The following MYL4 variants were observed in gnomAD, a reference collection of about 807,000 sequenced individuals.
The protein encoded by MYL4 is atrial myosin light chain 1.
Under a neutral mutation model 21.6 loss-of-function variants are expected in MYL4, and 16 were observed. That is an observed-to-expected ratio of 0.74 (90% confidence interval 0.50 to 1.12). MYL4 has a LOEUF of 1.12. Among genes scored for constraint, MYL4 ranks in the 50% most tolerant of loss-of-function variants. The pLI, the probability that MYL4 is intolerant of heterozygous loss-of-function variation, is 0.00. For synonymous variants in MYL4, 82 were observed against 95.7 expected, an observed-to-expected ratio of 0.86 and a Z score of 0.83; for missense variants, 249 against 252.9, an observed-to-expected ratio of 0.98 and a Z score of 0.11.
Position 47,203,971 on chromosome 17 carries a change from A to G in MYL4, c.-35+3385A>G, listed in dbSNP as rs1373844322. ...GGCATGAGCCACCGTGTCTGTGGCC[A>G]AAACACTTCTTAGAGTATAGTTCAC... On this transcript the variant is annotated intron_variant and NMD_transcript_variant, in intron 1 of 6. Coordinates refer to the MYL4 transcript ENST00000571981. Among the ~76,000 whole-genome samples, 3 of 152,250 alleles carry G rather than the reference A, an allele frequency of 2.0e-5. No individual in the cohort carries two copies. In the East Asian group the frequency reaches 5.8e-4, roughly 29 times the overall value.
chr17:47,190,330 G>A, the MYL4 span, among the ~76,000 whole-genome samples: 4 of 152,122 alleles, frequency 2.6e-5, no homozygotes. Flanking sequence ...TTATAAATGT[G>A]GCCGTGTCTA....
At chr17:47,211,179 C>G (rs923498102) in intron 1 of MYL4, among the ~76,000 whole-genome samples, 2 of 152,100 alleles carry the variant, frequency 1.3e-5, no homozygotes, top group Non-Finnish European at 2.9e-5. Flanking sequence ...AAATAGGTAT[C>G]TTTTATGAGA....
intron 5 of MYL4, 144 bp from the exon 6 acceptor site, chr17:47,222,870 A>C (rs2064867169): frequency 1.0e-6 from 1 of 1,003,750 alleles, no homozygotes; most frequent in African/African-American, 1.6e-5. Flanking sequence ...CTCCCCACCA[A>C]CCCCCAAATA....
chr17:47,205,172 T>C (rs907581271), upstream of MYL4, among the ~76,000 whole-genome samples: 4 of 152,202 alleles, frequency 2.6e-5, no homozygotes, highest in Non-Finnish European at 5.9e-5. Context: ...GGTGCTAAAT[T>C]CTGTCTTGTG....
At chr17:47,192,566 C>T in the MYL4 span, among the ~76,000 whole-genome samples, 1 of 151,404 alleles carries the variant, frequency 6.6e-6, no homozygotes, top group East Asian at 1.9e-4. Context: ...AGGAGAATGG[C>T]GTGAATCTGG....
chr17:47,212,979 C>T (rs1043123300), intron 1 of MYL4, among the ~76,000 whole-genome samples: 16 of 152,120 alleles, frequency 1.1e-4, no homozygotes, highest in African/African-American at 3.4e-4. Flanking sequence ...GAGTGGGATG[C>T]GGTGTGGGAA....
At chr17:47,222,972 G>A in intron 5 of MYL4, 42 bp from the exon 6 acceptor site, 5 of 1,613,960 alleles carry the variant, frequency 3.1e-6, no homozygotes, top group Non-Finnish European at 4.2e-6. Context: ...TGGGCCTAGA[G>A]GCGCTGAGCC....
At chr17:47,219,618 C>T (rs536440388) in intron 2 of MYL4, among the ~76,000 whole-genome samples, 29 of 152,156 alleles carry the variant, frequency 1.9e-4, no homozygotes, top group Admixed American at 2.6e-4. Context: ...AAGCGATTCT[C>T]GGGCCGCAGC....
upstream of MYL4, among the ~76,000 whole-genome samples, chr17:47,198,320 A>G (rs886162814): frequency 5.3e-5 from 8 of 152,208 alleles, no homozygotes; most frequent in Non-Finnish European, 1.2e-4. Flanking sequence ...GTACAGACTT[A>G]GAACAAAAAG....
upstream of MYL4, among the ~76,000 whole-genome samples, chr17:47,197,258 C>G (rs2149036753): frequency 6.6e-6 from 1 of 152,116 alleles, no homozygotes; most frequent in African/African-American, 2.4e-5. Context: ...GCCACCACGC[C>G]TGGCTAATTT....
downstream of MYL4, among the ~76,000 whole-genome samples, chr17:47,224,479 A>G (rs2064877763): frequency 6.6e-6 from 1 of 152,174 alleles, no homozygotes; most frequent in Non-Finnish European, 1.5e-5. Context: ...ATGAATCTCC[A>G]GAACCTTTTC....
At chr17:47,211,144 T>C (rs953732215) in intron 1 of MYL4, among the ~76,000 whole-genome samples, 1 of 152,154 alleles carries the variant, frequency 6.6e-6, no homozygotes, top group African/African-American at 2.4e-5. Context: ...ATGGGGGTTG[T>C]TGAAGTTGCT....
downstream of MYL4, among the ~76,000 whole-genome samples, chr17:47,227,211 G>T (rs950534512): frequency 1.3e-5 from 2 of 152,174 alleles, no homozygotes; most frequent in African/African-American, 2.4e-5. Flanking sequence ...CTTATTTGCT[G>T]CCTCCATGGT....
At chr17:47,195,053 T>A in the MYL4 span, among the ~76,000 whole-genome samples, 2 of 123,958 alleles carry the variant, frequency 1.6e-5, no homozygotes, top group African/African-American at 7.0e-5. Context: ...TTCATGGAAC[T>A]TTTTTTTTTT....
chr17:47,219,760 G>A lies in MYL4; in HGVS notation c.164-144G>A, dbSNP rs559422697. 552 of 1,009,612 alleles carry A rather than the reference G, an allele frequency of 5.5e-4. 5 individuals carry two copies. In the South Asian group the frequency reaches 7.7e-3, roughly 14 times the overall value. The allele number at this position is 1,009,612 out of a possible 1,614,324, so 62.5% of individuals were successfully genotyped here. The stretch of plus-strand genomic sequence containing the variant: ...TGGGATGAGGACGGGTTCGAGGGAC[G>A]GCCTGGGATAATGGACAAAGCGAAA... On this transcript the variant is annotated intron_variant, in intron 2 of 6. Transcript: ENST00000393450.
upstream of MYL4, among the ~76,000 whole-genome samples, chr17:47,204,575 G>A (rs570446655): frequency 6.6e-6 from 1 of 152,084 alleles, no homozygotes; most frequent in Non-Finnish European, 1.5e-5. Flanking sequence ...GCATGAAGAA[G>A]TTAAAAAGTA....
the MYL4 span, among the ~76,000 whole-genome samples, chr17:47,193,766 T>TC: frequency 6.6e-6 from 1 of 151,884 alleles, no homozygotes; most frequent in Non-Finnish European, 1.5e-5. Context: ...TTCTCTTTCC[T>TC]TTCTTTTGAG....
chr17:47,199,674 CAAA>C (rs34989806), upstream of MYL4, among the ~76,000 whole-genome samples: 23 of 127,384 alleles, frequency 1.8e-4, no homozygotes, highest in Admixed American at 4.1e-4. Context: ...GACCCTGTCT[CAAA>C]AAAAAAAAAA....
At chr17:47,189,533 G>C in the MYL4 span, 1 of 363,754 alleles carries the variant, frequency 2.7e-6, no homozygotes, top group East Asian at 5.8e-5. Flanking sequence ...GGCCGTCCCA[G>C]GGTTGGGCTA....
Sources: gnomAD v4.1 joint callset for allele counts (sites outside exome capture counted in the v4.1 genomes callset) on GRCh38, gnomAD v4.1.1 for gene constraint, MANE v1.5 for transcripts, NCBI Gene and HGNC (gene_info 2026-07-23, HGNC 2026-07-21) for gene names.